Variants in SLC39A11 observed in about 807,000 individuals in gnomAD.
The protein encoded by SLC39A11 is solute carrier family 39 member 11, also known as zinc transporter ZIP11.
SLC39A11 carries 33 observed loss-of-function variants against 36.1 expected under a neutral mutation model. The ratio of observed to expected loss-of-function variants is 0.91; its 90% confidence interval spans 0.69 to 1.22. SLC39A11 has a LOEUF of 1.22. Among genes scored for constraint, SLC39A11 ranks in the 50% most tolerant of loss-of-function variants. The probability of loss-of-function intolerance (pLI) is 0.00; values close to 1 mark genes in which losing one functional copy is unlikely to be tolerated. For synonymous variants in SLC39A11, 166 were observed against 170.3 expected, an observed-to-expected ratio of 0.97 and a Z score of 0.20; for missense variants, 432 against 430.3, an observed-to-expected ratio of 1.00 and a Z score of -0.03.
intron 5 of SLC39A11, among the ~76,000 whole-genome samples, chr17:72,923,564 G>A (rs780362236): frequency 2.1e-4 from 32 of 152,334 alleles, no homozygotes; most frequent in East Asian, 3.9e-4. Context: ...ATAGTGACCC[G>A]TGATCCAGCA....
At chr17:72,707,231 T>C (rs895200823) in intron 7 of SLC39A11, among the ~76,000 whole-genome samples, 2 of 152,162 alleles carry the variant, frequency 1.3e-5, no homozygotes, top group Middle Eastern at 3.4e-3. Flanking sequence ...AAGACCCCCA[T>C]TGCTACAAAA....
chr17:72,697,650 C>T (rs2072370538), intron 7 of SLC39A11, among the ~76,000 whole-genome samples: 1 of 152,278 alleles, frequency 6.6e-6, no homozygotes, highest in Non-Finnish European at 1.5e-5. Context: ...CCAGTGGCAG[C>T]TAAGTCCTCC....
chr17:72,840,086 T>C (rs1275539584), intron 6 of SLC39A11, among the ~76,000 whole-genome samples: 1 of 151,976 alleles, frequency 6.6e-6, no homozygotes, highest in Non-Finnish European at 1.5e-5. Context: ...AACCAACCAC[T>C]GTGAACATTT....
intron 4 of SLC39A11, among the ~76,000 whole-genome samples, chr17:73,029,120 ACAC>A (rs1568151952): frequency 6.0e-5 from 1 of 16,682 alleles, no homozygotes; most frequent in Admixed American, 1.4e-3. Context: ...GCCGTCACAC[ACAC>A]ACAAAAAAAA....
intron 7 of SLC39A11, among the ~76,000 whole-genome samples, chr17:72,704,917 T>C (rs888396444): frequency 6.6e-5 from 10 of 152,202 alleles, no homozygotes; most frequent in African/African-American, 2.4e-4. Flanking sequence ...GTCTATTTTG[T>C]TTGGACTTGA....
chr17:73,015,716 G>T (rs2090765252), intron 4 of SLC39A11, among the ~76,000 whole-genome samples: 1 of 152,080 alleles, frequency 6.6e-6, no homozygotes, highest in African/African-American at 2.4e-5. Context: ...CCAAGTAGCT[G>T]GGATTACAGA....
At chr17:73,085,036 C>T (rs541860533) in intron 2 of SLC39A11, among the ~76,000 whole-genome samples, 190 bp from the exon 3 acceptor site, 2 of 152,314 alleles carry the variant, frequency 1.3e-5, no homozygotes, top group East Asian at 1.9e-4. Context: ...TTTCCACCCA[C>T]CCCATAGCCA....
chr17:72,686,286 T>C (rs536193756), intron 7 of SLC39A11, among the ~76,000 whole-genome samples: 2 of 152,316 alleles, frequency 1.3e-5, no homozygotes, highest in South Asian at 4.1e-4. Flanking sequence ...GATGCTGTGC[T>C]TTCCTAGGAT....
At chr17:72,946,192 C>T (rs1289109913) in intron 5 of SLC39A11, among the ~76,000 whole-genome samples, 1 of 152,176 alleles carries the variant, frequency 6.6e-6, no homozygotes, top group Non-Finnish European at 1.5e-5. Context: ...AAGATGATAC[C>T]TAAAGCGTTC....
chr17:72,876,784 A>G (rs4329969), intron 5 of SLC39A11, among the ~76,000 whole-genome samples: 56,035 of 152,032 alleles, frequency 0.37, 10,693 homozygotes, highest in East Asian at 0.72. Context: ...GAAGGATTTG[A>G]GACTGACCTC....
intron 9 of SLC39A11, among the ~76,000 whole-genome samples, chr17:72,647,885 G>A (rs1443271780): frequency 1.3e-5 from 2 of 152,150 alleles, no homozygotes; most frequent in Non-Finnish European, 2.9e-5. Context: ...CATTTTACTG[G>A]TGGGGAAACT....
intron 4 of SLC39A11, among the ~76,000 whole-genome samples, chr17:72,957,097 T>G (rs1322162427): frequency 6.6e-6 from 1 of 151,974 alleles, no homozygotes; most frequent in African/African-American, 2.4e-5. Flanking sequence ...TCCAGCAGAC[T>G]AGATGGAGCT....
chr17:73,001,446 G>A (rs969823423), intron 4 of SLC39A11, among the ~76,000 whole-genome samples: 4 of 148,328 alleles, frequency 2.7e-5, no homozygotes, highest in South Asian at 2.2e-4. Flanking sequence ...ATAGCATTAG[G>A]AGATATACCT....
At chr17:72,845,147 T>C (rs954105282) in intron 6 of SLC39A11, among the ~76,000 whole-genome samples, 4 of 152,204 alleles carry the variant, frequency 2.6e-5, no homozygotes, top group Non-Finnish European at 4.4e-5. Context: ...CTAAGTCCCA[T>C]CTCAATTCAG....
intron 4 of SLC39A11, among the ~76,000 whole-genome samples, chr17:72,952,988 C>A (rs569276068): frequency 2.8e-4 from 43 of 152,154 alleles, no homozygotes; most frequent in Non-Finnish European, 5.0e-4. Flanking sequence ...TACAAGGGCT[C>A]TTTCTCCAGC....
intron 7 of SLC39A11, among the ~76,000 whole-genome samples, chr17:72,691,395 A>G (rs574496675): frequency 7.1e-5 from 10 of 141,662 alleles, no homozygotes; most frequent in Non-Finnish European, 1.3e-4. Context: ...TCATGTATAT[A>G]AAAAAAAAAT....
At chr17:73,033,345 C>T (rs2058800456) in intron 3 of SLC39A11, among the ~76,000 whole-genome samples, 1 of 152,146 alleles carries the variant, frequency 6.6e-6, no homozygotes, top group African/African-American at 2.4e-5. Context: ...CCATAACCAA[C>T]TCAATGACGG....
chr17:72,997,505 G>A lies in SLC39A11; in HGVS notation c.306+34051C>T, dbSNP rs146883254. On this transcript the variant is annotated intron_variant, in intron 4 of 9. Transcript: ENST00000255559. ...TGACCTCAAGTGATCCTCCTGCCTC[G>A]GCCTCCCAAAGTGCTGGGATTACAG... 7.7e-3 allele frequency among the ~76,000 whole-genome samples: 1,173 copies of A among 152,064 alleles called. 9 individuals are homozygous for A. The highest frequency in any genetic ancestry group is 0.026 in the African/African-American group (1,091 of 41,484).
intron 5 of SLC39A11, among the ~76,000 whole-genome samples, chr17:72,871,173 T>C (rs1246905699): frequency 1.3e-5 from 2 of 151,094 alleles, no homozygotes; most frequent in Non-Finnish European, 2.9e-5. Context: ...GTGATTCTCC[T>C]GCCTCAGCCT....
Sources: allele counts gnomAD v4.1 joint callset (sites outside exome capture counted in the v4.1 genomes callset), GRCh38; gene constraint gnomAD v4.1.1; transcripts MANE v1.5; gene names NCBI Gene and HGNC (gene_info 2026-07-23, HGNC 2026-07-21).